The following NME7 variants were observed in gnomAD, a reference collection of about 807,000 sequenced individuals.
NME7 encodes nucleoside diphosphate kinase 7.
In NME7, 41 loss-of-function variants were observed where a neutral mutation model predicts 49.1. The observed-to-expected ratio is 0.83, with a 90% CI of 0.65 to 1.08. The LOEUF is 1.08. NME7 is among the 50% of genes least tolerant of loss of function. NME7 has a pLI of 0.00. For missense variants in NME7, 423 were observed against 463.4 expected (o/e 0.91, Z 0.80); for synonymous variants, 139 against 150.6 (o/e 0.92, Z 0.56).
At chr1:169,314,982 T>C (rs983188114) in intron 3 of NME7, among the ~76,000 whole-genome samples, 6 of 152,036 alleles carry the variant, frequency 3.9e-5, no homozygotes, top group Admixed American at 2.0e-4. Flanking sequence ...TAATAAAAGA[T>C]TCAATTTACC....
intron 7 of NME7, among the ~76,000 whole-genome samples, chr1:169,238,689 A>G (rs754269082): frequency 6.6e-6 from 1 of 151,984 alleles, no homozygotes; most frequent in Non-Finnish European, 1.5e-5. Context: ...CAAATGATAC[A>G]TCTGTACCAA....
chr1:169,303,044 T>C, intron 5 of NME7, 101 bp downstream of exon 5: 3 of 729,054 alleles, frequency 4.1e-6, no homozygotes, highest in Non-Finnish European at 7.0e-6. Context: ...TATGGCCCTT[T>C]TGACAGATTA....
intron 10 of NME7, among the ~76,000 whole-genome samples, chr1:169,170,035 G>A (rs1186498541): frequency 6.6e-6 from 1 of 152,078 alleles, no homozygotes; most frequent in Non-Finnish European, 1.5e-5. Context: ...GAGAAAGACA[G>A]GAAGAGAGGA....
chr1:169,200,413 T>C (rs1444386266), intron 10 of NME7, among the ~76,000 whole-genome samples: 1 of 152,106 alleles, frequency 6.6e-6, no homozygotes, highest in Non-Finnish European at 1.5e-5. Context: ...GAGACTGTGT[T>C]AAGCACATCT....
chr1:169,338,085 AATT>A (rs1317428901), intron 1 of NME7, among the ~76,000 whole-genome samples: 1 of 152,216 alleles, frequency 6.6e-6, no homozygotes, highest in Non-Finnish European at 1.5e-5. Context: ...AAGGAAAACA[AATT>A]ATAACAGAAG....
chr1:169,140,009 C>T (rs114293769), intron 11 of NME7, among the ~76,000 whole-genome samples: 106 of 152,196 alleles, frequency 7.0e-4, no homozygotes, highest in African/African-American at 2.4e-3. Context: ...CTTCTTGATT[C>T]GCAATCACTT....
chr1:169,364,836 G>C (rs1324804744), intron 1 of NME7, among the ~76,000 whole-genome samples: 9 of 152,166 alleles, frequency 5.9e-5, no homozygotes, highest in Non-Finnish European at 1.3e-4. Flanking sequence ...CTAATAGAAG[G>C]CCGCAAGGTT....
At chr1:169,269,382 T>A (rs1649416495) in intron 7 of NME7, among the ~76,000 whole-genome samples, 1 of 134,168 alleles carries the variant, frequency 7.5e-6, no homozygotes, top group South Asian at 2.3e-4. Context: ...AATGGTGACA[T>A]TCTAAGCAAA....
At chr1:169,304,821 C>T (rs888897000) in intron 4 of NME7, among the ~76,000 whole-genome samples, 2 of 151,918 alleles carry the variant, frequency 1.3e-5, no homozygotes, top group East Asian at 3.9e-4. Context: ...AACTGTAGAA[C>T]AACATTCTAG....
chr1:169,201,267 T>C (rs112436678), intron 10 of NME7, among the ~76,000 whole-genome samples: 203 of 152,124 alleles, frequency 1.3e-3, no homozygotes, highest in African/African-American at 4.7e-3. Flanking sequence ...ATTCAGTAAA[T>C]TCTGCTACAT....
intron 10 of NME7, among the ~76,000 whole-genome samples, chr1:169,171,654 T>C (rs1659594058): frequency 6.6e-6 from 1 of 151,748 alleles, no homozygotes; most frequent in Non-Finnish European, 1.5e-5. Flanking sequence ...TCTCAGCTAC[T>C]TGGGGGGCTG....
chr1:169,323,418 A>G, intron 2 of NME7, 135 bp from the exon 3 acceptor site: 1 of 648,072 alleles, frequency 1.5e-6, no homozygotes, highest in East Asian at 3.4e-5. Flanking sequence ...CTTTTTTGTT[A>G]CAAATATAAA....
chr1:169,319,148 C>T (rs369123109), intron 3 of NME7, among the ~76,000 whole-genome samples: 12 of 151,922 alleles, frequency 7.9e-5, no homozygotes, highest in South Asian at 6.2e-4. Flanking sequence ...TCCTGCTAAA[C>T]TATATAATAC....
At chr1:169,303,295 ATAC>A (rs1196506111) in intron 4 of NME7, 100 bp from the exon 5 acceptor site, 4 of 471,924 alleles carry the variant, frequency 8.5e-6, no homozygotes, top group Non-Finnish European at 1.4e-5. Flanking sequence ...CTCTCAATTT[ATAC>A]TAATTTATAT....
chr1:169,272,646 T>A (rs1368661276), intron 7 of NME7, among the ~76,000 whole-genome samples: 1 of 133,336 alleles, frequency 7.5e-6, no homozygotes, highest in South Asian at 2.3e-4. Flanking sequence ...TATGGCTACA[T>A]AGTATTCTAT....
At chr1:169,158,037 G>A (rs535034860) in intron 11 of NME7, among the ~76,000 whole-genome samples, 32 of 152,224 alleles carry the variant, frequency 2.1e-4, no homozygotes, top group African/African-American at 7.5e-4. Flanking sequence ...TCTTTTACAA[G>A]TTTTAAAAAA....
At chr1:169,183,666 GTGGCAGGCGCC>G (rs201700136) in intron 10 of NME7, among the ~76,000 whole-genome samples, 12,542 of 152,146 alleles carry the variant, frequency 0.082, 704 homozygotes, top group Admixed American at 0.19. Flanking sequence ...GCCGGGCATG[GTGGCAGGCGCC>G]TGTAGTCCCA....
At chr1:169,221,275 C>G (rs1661135017) in intron 10 of NME7, among the ~76,000 whole-genome samples, 1 of 152,174 alleles carries the variant, frequency 6.6e-6, no homozygotes, top group Non-Finnish European at 1.5e-5. Context: ...ACACTAGTAA[C>G]AATGATTCTT....
chr1:169,363,456 T>C (rs1571423865), intron 1 of NME7, among the ~76,000 whole-genome samples: 1 of 152,134 alleles, frequency 6.6e-6, no homozygotes, highest in East Asian at 1.9e-4. Context: ...TGCTATTTTA[T>C]GTCATCTTTT....
Sources: gnomAD v4.1 joint callset for allele counts (sites outside exome capture counted in the v4.1 genomes callset) on GRCh38, gnomAD v4.1.1 for gene constraint, MANE v1.5 for transcripts, NCBI Gene and HGNC (gene_info 2026-07-23, HGNC 2026-07-21) for gene names.